The following VTI1A variants were observed in gnomAD, a reference collection of about 807,000 sequenced individuals.
VTI1A encodes vesicle transport through interaction with t-SNAREs homolog 1A.
VTI1A carries 22 observed loss-of-function variants against 34.9 expected under a neutral mutation model. That is an observed-to-expected ratio of 0.63 (90% CI 0.45 to 0.90). VTI1A has a LOEUF of 0.90. Ranked by LOEUF, VTI1A falls within the 40% of genes least tolerant of loss-of-function variation. The probability of loss-of-function intolerance (pLI) is 0.00; values close to 1 mark genes in which losing one functional copy is unlikely to be tolerated. For missense variants in VTI1A, 268 were observed against 275.6 expected, an observed-to-expected ratio of 0.97 and a Z score of 0.20; for synonymous variants, 87 against 97.3, an observed-to-expected ratio of 0.89 and a Z score of 0.62.
intron 3 of VTI1A, among the ~76,000 whole-genome samples, chr10:112,501,752 TG>T (rs1849250106): frequency 6.6e-6 from 1 of 151,674 alleles, no homozygotes; most frequent in African/African-American, 2.4e-5. Context: ...TTTTGTTTGT[TG>T]GGGATAATTG....
intron 5 of VTI1A, among the ~76,000 whole-genome samples, chr10:112,661,764 G>GTTTTTTTTTTT (rs34974968): frequency 9.4e-6 from 1 of 105,960 alleles, no homozygotes. Context: ...CTGCTGTTAA[G>GTTTTTTTTTTT]TTTTTTTTTT....
intron 5 of VTI1A, among the ~76,000 whole-genome samples, chr10:112,574,079 G>A (rs1350289979): frequency 6.6e-6 from 1 of 152,058 alleles, no homozygotes; most frequent in Non-Finnish European, 1.5e-5. Flanking sequence ...ATTACTTAAA[G>A]TACAGTACTC....
the VTI1A span, among the ~76,000 whole-genome samples, chr10:112,847,913 C>T: frequency 6.6e-6 from 1 of 152,084 alleles, no homozygotes. Flanking sequence ...AGGCACCAGG[C>T]ATATAAGTAA....
At chr10:112,696,873 T>C (rs1361368436) in intron 7 of VTI1A, among the ~76,000 whole-genome samples, 1 of 152,160 alleles carries the variant, frequency 6.6e-6, no homozygotes, top group Non-Finnish European at 1.5e-5. Flanking sequence ...AAAAGAGAAG[T>C]ATTCAAAAAT....
chr10:112,721,340 C>T (rs141535034), intron 7 of VTI1A, among the ~76,000 whole-genome samples: 2 of 152,314 alleles, frequency 1.3e-5, no homozygotes, highest in East Asian at 3.9e-4. Context: ...CGCTACAATA[C>T]CAACTTCAGA....
chr10:112,504,278 C>G (rs1849345381), intron 3 of VTI1A, among the ~76,000 whole-genome samples: 1 of 152,168 alleles, frequency 6.6e-6, no homozygotes, highest in Non-Finnish European at 1.5e-5. Flanking sequence ...AAATCTCCAA[C>G]CCAGGTAACT....
At chr10:112,769,739 T>G (rs1732920144) in intron 7 of VTI1A, among the ~76,000 whole-genome samples, 1 of 152,156 alleles carries the variant, frequency 6.6e-6, no homozygotes, top group Admixed American at 6.5e-5. Context: ...GAGTCTCACC[T>G]CTTTTACCTT....
At chr10:112,661,225 C>T (rs546410822) in intron 5 of VTI1A, among the ~76,000 whole-genome samples, 6 of 152,314 alleles carry the variant, frequency 3.9e-5, no homozygotes, top group South Asian at 2.1e-4. Flanking sequence ...TCAAGTGATC[C>T]GCCCTCCTCG....
chr10:112,447,514 G>T, intron 1 of VTI1A, 47 bp downstream of exon 1: 1 of 1,596,750 alleles, frequency 6.3e-7, no homozygotes, highest in Non-Finnish European at 8.5e-7. Flanking sequence ...AGAGCTGGGA[G>T]GGTGCGGGCG....
At chr10:112,589,350 C>T (rs1227332500) in intron 5 of VTI1A, among the ~76,000 whole-genome samples, 1 of 152,034 alleles carries the variant, frequency 6.6e-6, no homozygotes, top group Admixed American at 6.5e-5. Context: ...AAGGGAAACC[C>T]GTTTCACTTG....
intron 5 of VTI1A, among the ~76,000 whole-genome samples, chr10:112,620,644 G>A (rs1160778251): frequency 6.6e-6 from 1 of 152,022 alleles, no homozygotes; most frequent in Non-Finnish European, 1.5e-5. Context: ...ACAAAAATAA[G>A]CTGGGCATGG....
At chr10:112,812,727 AATG>A (rs1168318384) in intron 7 of VTI1A, among the ~76,000 whole-genome samples, 2 of 151,830 alleles carry the variant, frequency 1.3e-5, no homozygotes, top group Non-Finnish European at 2.9e-5. Flanking sequence ...CTTCCTCCCA[AATG>A]TCTGCCAGCA....
intron 3 of VTI1A, among the ~76,000 whole-genome samples, chr10:112,480,207 A>G (rs1369893322): frequency 1.3e-5 from 2 of 152,194 alleles, no homozygotes; most frequent in Non-Finnish European, 2.9e-5. Flanking sequence ...TAGTAAAACA[A>G]ATAATATTAA....
intron 3 of VTI1A, among the ~76,000 whole-genome samples, chr10:112,487,191 T>C (rs1250751481): frequency 6.6e-6 from 1 of 152,198 alleles, no homozygotes; most frequent in Non-Finnish European, 1.5e-5. Flanking sequence ...TGGCATGATC[T>C]TGCCTCACTG....
At chr10:112,480,796 T>C (rs1848438112) in intron 3 of VTI1A, among the ~76,000 whole-genome samples, 1 of 152,132 alleles carries the variant, frequency 6.6e-6, no homozygotes, top group Non-Finnish European at 1.5e-5. Flanking sequence ...TGCTATACAT[T>C]AGAATCTGAG....
intron 7 of VTI1A, among the ~76,000 whole-genome samples, chr10:112,711,661 A>G (rs968985586): frequency 1.3e-5 from 2 of 152,240 alleles, no homozygotes; most frequent in African/African-American, 4.8e-5. Context: ...TAAGTAAACC[A>G]TCCCAAATCT....
At chr10:112,661,259 A>G (rs1847438868) in intron 5 of VTI1A, among the ~76,000 whole-genome samples, 1 of 152,212 alleles carries the variant, frequency 6.6e-6, no homozygotes, top group Admixed American at 6.5e-5. Context: ...CTGAGATTAT[A>G]GGCACATACC....
the VTI1A span, among the ~76,000 whole-genome samples, chr10:112,844,740 A>T: frequency 6.6e-6 from 1 of 152,202 alleles, no homozygotes; most frequent in Non-Finnish European, 1.5e-5. Context: ...TGAACCATGG[A>T]AAATGTAGTT....
intron 7 of VTI1A, among the ~76,000 whole-genome samples, chr10:112,789,257 T>G (rs1252403305): frequency 6.6e-6 from 1 of 152,220 alleles, no homozygotes; most frequent in East Asian, 1.9e-4. Context: ...TCTTTGTTTA[T>G]CTAGAAAAGT....
Sources: gnomAD v4.1 joint callset for allele counts (sites outside exome capture counted in the v4.1 genomes callset) on GRCh38, gnomAD v4.1.1 for gene constraint, MANE v1.5 for transcripts, NCBI Gene and HGNC (gene_info 2026-07-23, HGNC 2026-07-21) for gene names.